SCYL2: variants seen among roughly 807,000 people sequenced by gnomAD.
SCYL2 encodes SCY1 like pseudokinase 2.
A neutral mutation model predicts 100.4 loss-of-function variants in SCYL2; 36 were observed. The ratio of observed to expected loss-of-function variants is 0.36; its 90% CI spans 0.27 to 0.47. The LOEUF is 0.47. Ranked by LOEUF, SCYL2 falls within the 20% of genes least tolerant of loss-of-function variation. SCYL2 has a pLI of 1.00. For synonymous variants in SCYL2, 330 were observed against 359.2 expected, an observed-to-expected ratio of 0.92 and a Z score of 0.92; for missense variants, 902 against 1,083.9, an observed-to-expected ratio of 0.83 and a Z score of 2.36.
At chr12:100,330,410 T>C (rs1426100293) in intron 13 of SCYL2, among the ~76,000 whole-genome samples, 1 of 152,210 alleles carries the variant, frequency 6.6e-6, no homozygotes, top group Non-Finnish European at 1.5e-5. Flanking sequence ...TTCCTGAAGA[T>C]TAGAAACTCC....
At chr12:100,303,803 T>G (rs1213893752) in intron 4 of SCYL2, among the ~76,000 whole-genome samples, 1 of 152,204 alleles carries the variant, frequency 6.6e-6, no homozygotes, top group African/African-American at 2.4e-5. Context: ...GGAGATCCGC[T>G]GCTCTCTTTA....
At chr12:100,308,000 G>T (rs2096336785) in intron 4 of SCYL2, among the ~76,000 whole-genome samples, 1 of 152,200 alleles carries the variant, frequency 6.6e-6, no homozygotes, top group Admixed American at 6.5e-5. Context: ...AGATGCTGGA[G>T]AGGATGTGGA....
chr12:100,332,383 G>A (rs1952221249), intron 13 of SCYL2, among the ~76,000 whole-genome samples: 2 of 152,150 alleles, frequency 1.3e-5, no homozygotes, highest in African/African-American at 4.8e-5. Flanking sequence ...GAACCTTTCT[G>A]AAATCTGAGT....
chr12:100,329,384 A>C, intron 13 of SCYL2, 65 bp downstream of exon 13: 1 of 737,458 alleles, frequency 1.4e-6, no homozygotes, highest in Non-Finnish European at 2.4e-6. Context: ...TTAGATATAT[A>C]AATATATTAC....
chr12:100,275,541 A>C (rs77031683), intron 1 of SCYL2, among the ~76,000 whole-genome samples: 6,337 of 152,238 alleles, frequency 0.042, 477 homozygotes, highest in African/African-American at 0.14. Flanking sequence ...ATTCTACTAT[A>C]TTGCCAAACT....
At chr12:100,336,735 T>C (rs955312681) in intron 16 of SCYL2, among the ~76,000 whole-genome samples, 1 of 152,142 alleles carries the variant, frequency 6.6e-6, no homozygotes, top group Non-Finnish European at 1.5e-5. Context: ...GCTCCCCCTC[T>C]GATTTTGAAT....
chr12:100,297,607 A>G lies in SCYL2; in HGVS notation c.336-424A>G, dbSNP rs545491002. 3.3e-5 allele frequency among the ~76,000 whole-genome samples: 5 copies of G among 152,344 alleles called. No individual in the cohort carries two copies. In the East Asian group the frequency reaches 9.6e-4, roughly 29 times the overall value. On this transcript the variant is annotated intron_variant, in intron 3 of 17. Coordinates refer to ENST00000360820, the MANE Select transcript of SCYL2 (RefSeq NM_017988.6). Reference sequence around the variant, plus strand: ...CTCCTATTCCAGGGTCATCTGTGGGAAATCCAGAAGTTCCTTTGAGCGTAT... The same window carrying G: ...CTCCTATTCCAGGGTCATCTGTGGGGAATCCAGAAGTTCCTTTGAGCGTAT...
chr12:100,284,662 C>T (rs893584047), intron 2 of SCYL2, among the ~76,000 whole-genome samples: 1 of 152,062 alleles, frequency 6.6e-6, no homozygotes, highest in Non-Finnish European at 1.5e-5. Context: ...GGGGTTTCAC[C>T]GTGTTGGCCA....
At chr12:100,324,541 A>G (rs2096359671) in intron 11 of SCYL2, among the ~76,000 whole-genome samples, 1 of 152,230 alleles carries the variant, frequency 6.6e-6, no homozygotes, top group Non-Finnish European at 1.5e-5. Context: ...TTTGAATGAT[A>G]TGATTTTATC....
chr12:100,335,060 G>A (rs1952258423), intron 14 of SCYL2, among the ~76,000 whole-genome samples: 1 of 152,010 alleles, frequency 6.6e-6, no homozygotes, highest in Non-Finnish European at 1.5e-5. Context: ...TCTATAGTGT[G>A]TATGTATGTG....
At chr12:100,267,979 G>A (rs148330887) in intron 1 of SCYL2, among the ~76,000 whole-genome samples, 187 bp downstream of exon 1, 45 of 151,806 alleles carry the variant, frequency 3.0e-4, no homozygotes, top group African/African-American at 1.0e-3. Context: ...CTGCAGTCTT[G>A]TTTTTCTAAA....
chr12:100,310,158 C>G (rs951413371), intron 4 of SCYL2, among the ~76,000 whole-genome samples: 28 of 152,118 alleles, frequency 1.8e-4, no homozygotes, highest in Admixed American at 5.2e-4. Flanking sequence ...GCCACCATGC[C>G]TGGCTGATTT....
intron 1 of SCYL2, among the ~76,000 whole-genome samples, chr12:100,273,124 T>C (rs1410540927): frequency 6.6e-6 from 1 of 152,132 alleles, no homozygotes; most frequent in Non-Finnish European, 1.5e-5. Context: ...TACTGATGCC[T>C]GAAACCCTTC....
chr12:100,298,389 C>A (rs1592944155), intron 4 of SCYL2, among the ~76,000 whole-genome samples: 1 of 152,138 alleles, frequency 6.6e-6, no homozygotes, highest in Non-Finnish European at 1.5e-5. Context: ...ACATTGGTAA[C>A]CTTTGGGGGG....
At chr12:100,275,960 T>G (rs555332727) in intron 1 of SCYL2, among the ~76,000 whole-genome samples, 1 of 152,354 alleles carries the variant, frequency 6.6e-6, no homozygotes, top group Non-Finnish European at 1.5e-5. Flanking sequence ...ATTCAGTTAA[T>G]GTGAATTACA....
chr12:100,294,339 G>A (rs2096314747), intron 3 of SCYL2, among the ~76,000 whole-genome samples: 1 of 102,702 alleles, frequency 9.7e-6, no homozygotes, highest in East Asian at 3.1e-4. Flanking sequence ...GCTGGGCAGA[G>A]GCGCCCCTCA....
At chr12:100,283,744 C>T (rs901424200) in intron 2 of SCYL2, among the ~76,000 whole-genome samples, 2 of 152,226 alleles carry the variant, frequency 1.3e-5, no homozygotes, top group Non-Finnish European at 1.5e-5. Context: ...GCTACTTTTC[C>T]GAAGTTAGCT....
intron 3 of SCYL2, among the ~76,000 whole-genome samples, chr12:100,294,327 C>A (rs1285103839): frequency 9.0e-6 from 1 of 111,288 alleles, no homozygotes; most frequent in South Asian, 3.3e-4. Flanking sequence ...CCAGTAGGGG[C>A]GGCTGGGCAG....
At chr12:100,293,712 T>C (rs138349375) in intron 3 of SCYL2, among the ~76,000 whole-genome samples, 4,922 of 151,830 alleles carry the variant, frequency 0.032, 100 homozygotes, top group African/African-American at 0.059. Context: ...TACTTGAGAT[T>C]AGGGAGTGGT....
Sources: gnomAD v4.1 joint callset for allele counts (sites outside exome capture counted in the v4.1 genomes callset) on GRCh38, gnomAD v4.1.1 for gene constraint, MANE v1.5 for transcripts, NCBI Gene and HGNC (gene_info 2026-07-23, HGNC 2026-07-21) for gene names.